TASOR: variants seen among roughly 807,000 people sequenced by gnomAD.
TASOR encodes protein TASOR.
A neutral mutation model predicts 178.6 loss-of-function variants in TASOR; 53 were observed. The ratio of observed to expected loss-of-function variants is 0.30; its 90% CI spans 0.24 to 0.37. TASOR has a LOEUF of 0.37. Ranked by LOEUF, TASOR falls within the 10% of genes least tolerant of loss-of-function variation. The pLI is 1.00. For synonymous variants in TASOR, 713 were observed against 696.2 expected (o/e 1.02, Z -0.38); for missense variants, 1,815 against 1,971.4 (o/e 0.92, Z 1.50).
intron 3 of TASOR, among the ~76,000 whole-genome samples, chr3:56,670,830 G>C (rs189393480): frequency 6.7e-6 from 1 of 149,788 alleles, no homozygotes; most frequent in Non-Finnish European, 1.5e-5. Flanking sequence ...CCAGCTACTC[G>C]GGAGGCTGAG....
chr3:56,656,950 C>T (rs1283360277), intron 11 of TASOR, among the ~76,000 whole-genome samples: 1 of 150,560 alleles, frequency 6.6e-6, no homozygotes, highest in Non-Finnish European at 1.5e-5. Flanking sequence ...GAGGAGGTTG[C>T]GGTGAGCCGA....
In TASOR at chr3:56,622,158, A is replaced by AAGTT. The variant is rs1369016261; in HGVS notation, c.*875_*878dup. On this transcript the variant is annotated 3_prime_UTR_variant, in exon 24 of 24. Coordinates refer to ENST00000683822, the MANE Select transcript of TASOR (RefSeq NM_001365635.2). ...TTGCAATTTTCAAAAACATTTTTAA[A>AAGTT]AGTTAGCATTAGTAACAAGTTAGTA... 15 of 152,250 alleles carry AAGTT rather than the reference A, an allele frequency of 9.9e-5. No individual in the cohort carries two copies. Among genetic ancestry groups the AAGTT allele is most frequent in the African/African-American group, 1.7e-4 (7 of 41,468 alleles). 9.4% of individuals were successfully genotyped at this position (152,250 alleles called of 1,614,324 possible). A position where few individuals can be genotyped will look rare whatever the true frequency, so the allele number is the denominator to read the frequency against.
Position 56,682,881 on chromosome 3 carries a change from G to C in TASOR, c.126C>G (p.Gly42=). 6.5e-7 allele frequency: 1 copy of C among 1,539,650 alleles called. No homozygotes were observed. Among genetic ancestry groups the C allele is most frequent in the Non-Finnish European group, 8.8e-7 (1 of 1,137,732 alleles). Residue 42 remains glycine, a synonymous_variant, in exon 1 of 24, where the codon GGC becomes GGG. Transcript: ENST00000683822. The stretch of plus-strand genomic sequence containing the variant: ...GCTCAGCGATGTTGAGGCCGCCGCC[G>C]CCGCCATTTTGTTGGGAGGACTCAA... ...PELESSQQNG[G]GGGLNIAEPS...
At chr3:56,634,082 T>G in intron 17 of TASOR, 116 bp from the exon 18 acceptor site, 1 of 801,472 alleles carries the variant, frequency 1.2e-6, no homozygotes, top group Non-Finnish European at 1.9e-6. Flanking sequence ...AATTATATAT[T>G]AGAAGGTAAA....
chr3:56,681,129 G>A lies in TASOR; in HGVS notation c.331+1547C>T, dbSNP rs910438105. On this transcript the variant is annotated intron_variant, in intron 1 of 23. Transcript: ENST00000683822. ...AAATCACGGTTTGTCCATATTCTTAGGCACTTAAACCTTAAAAATAGATTT... is the reference window on the plus strand; with the variant it reads ...AAATCACGGTTTGTCCATATTCTTAAGCACTTAAACCTTAAAAATAGATTT... Among the ~76,000 whole-genome samples, 3 of 150,518 alleles carry A rather than the reference G, an allele frequency of 2.0e-5. No homozygotes were observed. The South Asian group carries it at 6.3e-4, about 32-fold the overall frequency.
intron 2 of TASOR, among the ~76,000 whole-genome samples, chr3:56,673,346 T>A (rs2030923999): frequency 6.8e-6 from 1 of 146,016 alleles, no homozygotes; most frequent in Non-Finnish European, 1.5e-5. Context: ...GCAGGAGAAC[T>A]GCTTGAACCA....
At chr3:56,639,425 A>G (rs190961459) in intron 16 of TASOR, among the ~76,000 whole-genome samples, 147 of 152,150 alleles carry the variant, frequency 9.7e-4, no homozygotes, top group Non-Finnish European at 1.0e-3. Flanking sequence ...AAAAAAAAAG[A>G]TAATATTTCA....
intron 17 of TASOR, among the ~76,000 whole-genome samples, chr3:56,637,023 T>C (rs922879053): frequency 7.2e-5 from 11 of 152,030 alleles, no homozygotes; most frequent in South Asian, 2.1e-4. Context: ...GAATTACTGA[T>C]AGATGCAAAA....
chr3:56,627,248 C>T, intron 20 of TASOR, 103 bp from the exon 21 acceptor site: 1 of 690,430 alleles, frequency 1.4e-6, no homozygotes, highest in Non-Finnish European at 2.5e-6. Flanking sequence ...CACCTACTTT[C>T]CTATGTACTA....
chr3:56,680,395 A>C (rs7645941), intron 1 of TASOR, among the ~76,000 whole-genome samples: 28,189 of 152,086 alleles, frequency 0.19, 3,444 homozygotes, highest in South Asian at 0.4. Flanking sequence ...TTTGGATGTC[A>C]CACTACTGGG....
chr3:56,639,873 T>G (rs1285400386), intron 16 of TASOR, 113 bp downstream of exon 16: 6 of 843,404 alleles, frequency 7.1e-6, no homozygotes, highest in Non-Finnish European at 1.1e-5. Context: ...CAGCACCAAT[T>G]AAGATGAAGC....
rs577856485 is a variant in TASOR at position 56,682,297 on chromosome 3, A to G, written c.331+379T>C. ...GGCCTTGGAGAAAGCCCCAGAATCC[A>G]TGGCCACGGGCTATTTCCATAGCGA... On this transcript the variant is annotated intron_variant, in intron 1 of 23. Coordinates refer to ENST00000683822, the MANE Select transcript of TASOR (RefSeq NM_001365635.2). Among the ~76,000 whole-genome samples, 15 of 147,852 alleles carry G rather than the reference A, an allele frequency of 1.0e-4. No individual in the cohort carries two copies. The South Asian group carries it at 3.4e-3, about 34-fold the overall frequency.
chr3:56,680,765 G>T (rs2031711889), intron 1 of TASOR, among the ~76,000 whole-genome samples: 1 of 151,964 alleles, frequency 6.6e-6, no homozygotes, highest in African/African-American at 2.4e-5. Flanking sequence ...GTTAAAAATT[G>T]CTCATTTTCA....
At chr3:56,650,050 C>T (rs1467995812) in intron 11 of TASOR, among the ~76,000 whole-genome samples, 3 of 152,202 alleles carry the variant, frequency 2.0e-5, no homozygotes, top group African/African-American at 7.2e-5. Flanking sequence ...GAAGACTTGA[C>T]AGCACAGTGC....
chr3:56,629,261 T>G (rs1237172417), intron 18 of TASOR, among the ~76,000 whole-genome samples: 1 of 152,112 alleles, frequency 6.6e-6, no homozygotes, highest in East Asian at 1.9e-4. Context: ...CCCAGCTCCT[T>G]TAGTTATTAT....
chr3:56,654,547 G>A (rs1243327167), intron 11 of TASOR, among the ~76,000 whole-genome samples: 2 of 152,048 alleles, frequency 1.3e-5, no homozygotes, highest in African/African-American at 4.8e-5. Flanking sequence ...GCCAGGGAGT[G>A]CCCAGGTATT....
At chr3:56,638,846 A>G (rs989299712) in intron 16 of TASOR, 81 bp from the exon 17 acceptor site, 8 of 1,324,952 alleles carry the variant, frequency 6.0e-6, no homozygotes, top group Non-Finnish European at 8.7e-6. Flanking sequence ...CCCAAGTGAT[A>G]ACAATGCAAG....
chr3:56,648,990 G>A lies in TASOR; in HGVS notation c.1436C>T (p.Pro479Leu). ...FLLSPYQMVP[P>L]YEYQTAKSRV... ...ATTAAAGAGAGACCACCTACCATAT[G>A]GAGGAACCATCTGATAAGGGGAGAG... Residue 479 changes from proline (P) to leucine (L), a missense_variant, in exon 12 of 24, where the codon CCA becomes CTA. Pro to Leu is a moderately conservative substitution (Grantham distance 98, BLOSUM62 -3). Transcript: ENST00000683822. 6.2e-7 allele frequency: 1 copy of A among 1,607,904 alleles called. No homozygotes were observed. The highest frequency in any genetic ancestry group is 8.5e-7 in the Non-Finnish European group (1 of 1,178,090).
Position 56,666,266 on chromosome 3 carries a change from G to A in TASOR, c.1016C>T (p.Ser339Leu), listed in dbSNP as rs2029959005. The A allele has an allele frequency of 6.5e-7, 1 of 1,538,408 alleles. No homozygotes were observed. The highest frequency in any genetic ancestry group is 1.4e-5 in the African/African-American group (1 of 72,472). The stretch of plus-strand genomic sequence containing the variant: ...TAAAACTCCTAAGTCTTACCTTGAT[G>A]AAGGTACAAACTTCGGAGTTTGTAT... Reference protein sequence around the residue: ...DDIQTPKFVPSSRSNSFNTDR... With the variant: ...DDIQTPKFVPLSRSNSFNTDR... The change falls in exon 7 of 24, where the codon TCA (serine) becomes TTA (leucine). Residue 339 changes from serine (S) to leucine (L), a missense_variant. Ser to Leu is a moderately radical substitution (Grantham distance 145). Transcript: ENST00000683822.
Sources: gnomAD v4.1 joint callset for allele counts (sites outside exome capture counted in the v4.1 genomes callset) on GRCh38, gnomAD v4.1.1 for gene constraint, MANE v1.5 for transcripts, NCBI Gene and HGNC (gene_info 2026-07-23, HGNC 2026-07-21) for gene names.